Variants in NPHP4 observed in about 807,000 individuals in gnomAD.
The protein encoded by NPHP4 is nephrocystin-4.
A neutral mutation model predicts 155.8 loss-of-function variants in NPHP4; 151 were observed. The ratio of observed to expected loss-of-function variants is 0.97; its 90% CI spans 0.85 to 1.11. The LOEUF is 1.11. Ranked by LOEUF, NPHP4 falls within the 50% of genes least tolerant of loss-of-function variation. The pLI is 0.00. For synonymous variants in NPHP4, 845 were observed against 816.8 expected, an observed-to-expected ratio of 1.03 and a Z score of -0.59; for missense variants, 1,956 against 1,925.7, an observed-to-expected ratio of 1.02 and a Z score of -0.29.
In NPHP4 at chr1:5,947,167, A is replaced by G; in HGVS notation, c.1056T>C (p.Pro352=). The change falls in exon 9 of 30, where the codon CCT becomes CCC. Residue 352 remains proline (P), a synonymous_variant. Coordinates refer to ENST00000378156, the MANE Select transcript of NPHP4 (RefSeq NM_015102.5). ...CCAGCTGGAAGATGACCGCAAATGCAGGGTGGCCGACCATCTCTGGGAGGC... is the reference window on the plus strand; with the variant it reads ...CCAGCTGGAAGATGACCGCAAATGCGGGGTGGCCGACCATCTCTGGGAGGC... ...RLRLPEMVGH[P]AFAVIFQLEY... The G allele has an allele frequency of 6.2e-7, 1 of 1,613,960 alleles. No individual in the cohort carries two copies. Among genetic ancestry groups the G allele is most frequent in the Non-Finnish European group, 8.5e-7 (1 of 1,179,842 alleles).
chr1:5,911,766 G>A (rs1470202080), intron 11 of NPHP4, among the ~76,000 whole-genome samples: 2 of 152,166 alleles, frequency 1.3e-5, no homozygotes, highest in African/African-American at 4.8e-5. Context: ...ACACACCAAG[G>A]CCACGAAATA....
intron 1 of NPHP4, among the ~76,000 whole-genome samples, chr1:5,988,134 C>A (rs942539318): frequency 2.6e-5 from 4 of 152,226 alleles, no homozygotes; most frequent in African/African-American, 9.6e-5. Context: ...ACCCAAAGTG[C>A]AAGACAGACC....
chr1:5,892,881 C>G lies in NPHP4; in HGVS notation c.2144-1853G>C, dbSNP rs543409282. ...CTCCCCAAGCCCACCTCCTGCACCC[C>G]CTTCACAAACACCACGCCCCAGCCC... On this transcript the variant is annotated intron_variant, in intron 16 of 29. Transcript: ENST00000378156. The surrounding 1 kb of genome is among the most constrained non-coding windows in gnomAD (Gnocchi z 4.5). Among the ~76,000 whole-genome samples, 2 of 152,178 alleles carry G rather than the reference C, an allele frequency of 1.3e-5. No homozygotes were observed. Among genetic ancestry groups the G allele is most frequent in the Non-Finnish European group, 2.9e-5 (2 of 68,036 alleles).
At chr1:5,942,950 T>C (rs1646902470) in intron 9 of NPHP4, among the ~76,000 whole-genome samples, 1 of 152,216 alleles carries the variant, frequency 6.6e-6, no homozygotes, top group Non-Finnish European at 1.5e-5. Flanking sequence ...TTTTGCAGGT[T>C]TGCCCCTGTT....
Position 5,948,211 on chromosome 1 carries a change from T to A in NPHP4, c.851A>T (p.Glu284Val). The part of the protein sequence containing the change: ...PLDGGALEIL[E>V]RRLRVGVHNG... Reference sequence around the variant, plus strand: ...GTGCACGCCCACACGCAGGCGCCGCTCCAGGATCTCCAGGGCACCACCGTC... The same window carrying A: ...GTGCACGCCCACACGCAGGCGCCGCACCAGGATCTCCAGGGCACCACCGTC... Residue 284 changes from glutamate (E) to valine (V), a missense_variant, in exon 8 of 30, where the codon GAG (glutamate) becomes GTG (valine). Physicochemically the swap from Glu to Val is moderately radical, Grantham distance 121. Transcript: ENST00000378156. 6.3e-7 allele frequency: 1 copy of A among 1,596,410 alleles called. No homozygotes were observed. The highest frequency in any genetic ancestry group is 8.5e-7 in the Non-Finnish European group (1 of 1,173,778).
At chr1:5,947,006 C>G in intron 9 of NPHP4, 98 bp downstream of exon 9, 1 of 1,231,130 alleles carries the variant, frequency 8.1e-7, no homozygotes, top group Non-Finnish European at 1.2e-6. Flanking sequence ...AATAATCATG[C>G]CTGTTTTTAA....
rs1325812736 is a variant in NPHP4 at position 5,864,044 on chromosome 1, AG to A, written c.3997-12del. 7.4e-6 allele frequency: 12 copies of A among 1,612,066 alleles called. No individual in the cohort carries two copies. Among genetic ancestry groups the A allele is most frequent in the Non-Finnish European group, 1.0e-5 (12 of 1,179,286 alleles). On this transcript the variant is annotated splice_polypyrimidine_tract_variant and intron_variant, in intron 28 of 29. Coordinates refer to ENST00000378156, the MANE Select transcript of NPHP4 (RefSeq NM_015102.5). ...CATGATCTCAAAGGCCTGTGGAGGG[AG>A]GGGACAGGGAGACGCTGCGGCCACT... is the stretch of plus-strand genomic sequence containing the variant.
At chr1:5,868,851 C>CACACACAT (rs1491212170) in intron 23 of NPHP4, among the ~76,000 whole-genome samples, 3 of 144,118 alleles carry the variant, frequency 2.1e-5, no homozygotes, top group African/African-American at 7.8e-5. Flanking sequence ...CACACGCATG[C>CACACACAT]ACACACATAC....
chr1:5,969,493 C>T (rs1161060190), intron 3 of NPHP4, among the ~76,000 whole-genome samples: 2 of 152,148 alleles, frequency 1.3e-5, no homozygotes, highest in Non-Finnish European at 2.9e-5. Context: ...CCAGAGCACC[C>T]AACAACCAGG....
intron 11 of NPHP4, among the ~76,000 whole-genome samples, chr1:5,920,773 TATGTATTGCAAATATCTTTCAGCCTG>T (rs1190877165): frequency 3.3e-5 from 5 of 152,386 alleles, no homozygotes; most frequent in Non-Finnish European, 7.3e-5. Flanking sequence ...TTAATGGTCA[TATGTATTGCAAATATCTTTCAGCCTG>T]AGGTCTGTCT....
chr1:5,880,480 T>C (rs1335226236), intron 18 of NPHP4: 4 of 505,342 alleles, frequency 7.9e-6, no homozygotes, highest in African/African-American at 1.9e-5. Context: ...CTCCGTTTCC[T>C]GGTGACGAAT....
intron 23 of NPHP4, among the ~76,000 whole-genome samples, chr1:5,870,912 T>A (rs1042739181): frequency 1.1e-4 from 16 of 152,214 alleles, no homozygotes; most frequent in Non-Finnish European, 2.1e-4. Flanking sequence ...TGGGGGCCAC[T>A]GGACGGGCCA....
intron 3 of NPHP4, among the ~76,000 whole-genome samples, chr1:5,977,304 G>A (rs11587341): frequency 0.12 from 18,077 of 151,974 alleles, 1,398 homozygotes; most frequent in Non-Finnish European, 0.17. Flanking sequence ...CTCTCCTCTC[G>A]TCCTAACACC....
chr1:5,943,367 C>G (rs1002964130), intron 9 of NPHP4, among the ~76,000 whole-genome samples: 5 of 152,202 alleles, frequency 3.3e-5, no homozygotes, highest in African/African-American at 1.2e-4. Flanking sequence ...GCCCTGAACA[C>G]AGTATTTGTT....
In NPHP4 at chr1:5,905,472, T is replaced by C. The variant is rs762627000; in HGVS notation, c.1775A>G (p.Gln592Arg). 6.2e-7 allele frequency: 1 copy of C among 1,603,600 alleles called. No individual in the cohort carries two copies. The highest frequency in any genetic ancestry group is 2.2e-5 in the East Asian group (1 of 44,622). The change falls in exon 15 of 30, where the codon CAG becomes CGG. Residue 592 changes from glutamine (Q) to arginine (R), a missense_variant. Transcript: ENST00000378156. This position sits in a 1 kb window ranked among gnomAD's most constrained non-coding sequence, Gnocchi z 4.0. ...GAGCACCATGGAGGCTCTCGAGGGC[T>C]GCCCTGCAGAGCTGAGACACAGAGA... is the stretch of plus-strand genomic sequence containing the variant. ...VGTQTRSSAG[Q>R]PSRASMVLLQ...
chr1:5,981,164 C>G (rs998236638), intron 2 of NPHP4, among the ~76,000 whole-genome samples: 13 of 152,232 alleles, frequency 8.5e-5, no homozygotes, highest in Non-Finnish European at 1.6e-4. Context: ...GCCACCTCCT[C>G]CTCCTCCTCT....
chr1:5,867,932 C>A lies in NPHP4; in HGVS notation c.3316-36G>T. 6.2e-7 allele frequency: 1 copy of A among 1,612,792 alleles called. No homozygotes were observed. Among genetic ancestry groups the A allele is most frequent in the Non-Finnish European group, 8.5e-7 (1 of 1,178,836 alleles). ...GCCACGCTGAGTGTTGGGATGGGCA[C>A]GAGGCTTGTGAGCAGCTTCTTGTCC... On this transcript the variant is annotated intron_variant, in intron 23 of 29. Coordinates refer to ENST00000378156, the MANE Select transcript of NPHP4 (RefSeq NM_015102.5). This position sits in a 1 kb window ranked among gnomAD's most constrained non-coding sequence, Gnocchi z 4.1.
intron 20 of NPHP4, chr1:5,876,807 C>T (rs1319164175): frequency 3.0e-6 from 1 of 338,804 alleles, no homozygotes; most frequent in African/African-American, 2.1e-5. Context: ...TCAGAATCAC[C>T]TGCAAAGCTT....
intron 16 of NPHP4, among the ~76,000 whole-genome samples, chr1:5,898,211 G>T (rs1415813327): frequency 6.6e-6 from 1 of 152,200 alleles, no homozygotes; most frequent in East Asian, 1.9e-4. Context: ...AAAACACCAG[G>T]AGGAACATGT....
Sources: allele counts gnomAD v4.1 joint callset (sites outside exome capture counted in the v4.1 genomes callset), GRCh38; gene constraint gnomAD v4.1.1; non-coding constraint Gnocchi (gnomAD v3.1); transcripts MANE v1.5; gene names NCBI Gene and HGNC (gene_info 2026-07-23, HGNC 2026-07-21).